Variants in NAALADL2 observed in about 807,000 individuals in gnomAD.
NAALADL2 encodes inactive N-acetylated-alpha-linked acidic dipeptidase-like protein 2.
In NAALADL2, 76 loss-of-function variants were observed where a neutral mutation model predicts 87.2. That is an observed-to-expected ratio of 0.87 (90% CI 0.72 to 1.05). The LOEUF is 1.05. Ranked by LOEUF, NAALADL2 falls within the 50% of genes least tolerant of loss-of-function variation. The probability of loss-of-function intolerance (pLI) is 0.00; values close to 1 mark genes in which losing one functional copy is unlikely to be tolerated. For missense variants in NAALADL2, 1,089 were observed against 945.8 expected (o/e 1.15, Z -1.99); for synonymous variants, 354 against 331.0 (o/e 1.07, Z -0.75).
At position 175,803,111 on chromosome 3, in the gene NAALADL2, C is replaced by A. The variant is rs1169140118; in HGVS notation, c.2296C>A (p.Leu766Met). The change falls in exon 14 of 14, where the codon CTG becomes ATG. Residue 766 changes from leucine to methionine, a missense_variant. Leu to Met is a conservative substitution (Grantham distance 15). Transcript: ENST00000454872. ...LASNETLQEA[L>M]SEVLNSINSA... Reference sequence around the variant, plus strand: ...ATCAAATGAGACCCTTCAAGAAGCCCTGTCAGAGGTGTTGAACAGCATTAA... The same window carrying A: ...ATCAAATGAGACCCTTCAAGAAGCCATGTCAGAGGTGTTGAACAGCATTAA... 1 of 1,612,330 alleles carries A rather than the reference C, an allele frequency of 6.2e-7. No individual in the cohort carries two copies. The highest frequency in any genetic ancestry group is 8.5e-7 in the Non-Finnish European group (1 of 1,179,016).
intron 4 of NAALADL2, among the ~76,000 whole-genome samples, chr3:175,286,171 A>G (rs151188525): frequency 1.1e-4 from 17 of 152,360 alleles, no homozygotes; most frequent in African/African-American, 2.6e-4. Context: ...AGGTTGCCAT[A>G]TTAAGTGGTG....
chr3:175,526,578 T>G (rs1733443767), intron 9 of NAALADL2, among the ~76,000 whole-genome samples: 1 of 152,138 alleles, frequency 6.6e-6, no homozygotes, highest in Non-Finnish European at 1.5e-5. Context: ...TTATTTCAGG[T>G]TATCTAAGCG....
intron 1 of NAALADL2, among the ~76,000 whole-genome samples, chr3:175,094,125 TA>T (rs57997951): frequency 1.3e-5 from 2 of 150,876 alleles, no homozygotes; most frequent in East Asian, 2.0e-4. Flanking sequence ...CAATGTTTTT[TA>T]AAAAAAAACC....
At chr3:174,583,944 T>C (rs1716429663) in intron 2 of NAALADL2, among the ~76,000 whole-genome samples, 1 of 152,190 alleles carries the variant, frequency 6.6e-6, no homozygotes, top group Non-Finnish European at 1.5e-5. Flanking sequence ...CAAAATGTTT[T>C]ATATTTCCCA....
intron 1 of NAALADL2, among the ~76,000 whole-genome samples, chr3:174,526,133 G>A (rs146705807): frequency 6.6e-6 from 1 of 152,252 alleles, no homozygotes; most frequent in African/African-American, 2.4e-5. Flanking sequence ...ATTTTCAGGT[G>A]CTTCTCCCTC....
intron 2 of NAALADL2, among the ~76,000 whole-genome samples, chr3:174,555,994 TGTGTGTGTGTGTGTGC>T (rs1286738437): frequency 7.3e-6 from 1 of 137,174 alleles, no homozygotes; most frequent in Non-Finnish European, 1.6e-5. Context: ...TGTGTGTGTG[TGTGTGTGTGTGTGTGC>T]GCGCACGTGA....
intron 9 of NAALADL2, among the ~76,000 whole-genome samples, chr3:175,475,286 T>A (rs1259575822): frequency 6.6e-6 from 1 of 152,080 alleles, no homozygotes; most frequent in Non-Finnish European, 1.5e-5. Context: ...GACCTCTTAG[T>A]GAAACACAAA....
intron 1 of NAALADL2, among the ~76,000 whole-genome samples, chr3:175,024,943 A>T (rs766562103): frequency 1.5e-4 from 23 of 152,150 alleles, no homozygotes; most frequent in Middle Eastern, 3.2e-3. Context: ...CATTTCATGT[A>T]TAAAATGTTT....
chr3:174,934,292 C>A (rs932156170), intron 1 of NAALADL2, among the ~76,000 whole-genome samples: 2 of 152,088 alleles, frequency 1.3e-5, no homozygotes, highest in African/African-American at 4.8e-5. Context: ...CCAAGAGACT[C>A]GGATTACATG....
At chr3:175,557,172 C>G (rs1432282309) in intron 9 of NAALADL2, among the ~76,000 whole-genome samples, 1 of 152,206 alleles carries the variant, frequency 6.6e-6, no homozygotes, top group East Asian at 1.9e-4. Context: ...TATAAAATAT[C>G]CTATGGAAAA....
At chr3:175,227,558 T>G (rs917564486) in intron 2 of NAALADL2, among the ~76,000 whole-genome samples, 7 of 152,060 alleles carry the variant, frequency 4.6e-5, no homozygotes, top group African/African-American at 1.7e-4. Flanking sequence ...TATATTGCAG[T>G]TAATTCTTTA....
Position 174,884,351 on chromosome 3 carries a change from C to T in NAALADL2, c.43+24901C>T, listed in dbSNP as rs574624540. ...GTCCCAGCCCTGAAAAGTATTGTCA[C>T]CTAGTTGGGATTGTAATTGTGACTT... On this transcript the variant is annotated intron_variant, in intron 1 of 13. Transcript: ENST00000454872. Among the ~76,000 whole-genome samples the T allele has an allele frequency of 1.2e-4, 19 of 152,272 alleles. No individual in the cohort carries two copies. In the South Asian group the frequency reaches 3.9e-3, roughly 32 times the overall value.
intron 2 of NAALADL2, among the ~76,000 whole-genome samples, chr3:174,700,400 C>A (rs547531351): frequency 2.9e-4 from 44 of 152,014 alleles, no homozygotes; most frequent in Non-Finnish European, 4.7e-4. Context: ...ATCTTAGAAT[C>A]AATCTATCTT....
intron 11 of NAALADL2, among the ~76,000 whole-genome samples, chr3:175,689,430 T>A (rs913986610): frequency 2.0e-5 from 3 of 152,086 alleles, no homozygotes; most frequent in Admixed American, 6.6e-5. Context: ...AATTTTAGAA[T>A]AATAGAAAAA....
intron 9 of NAALADL2, among the ~76,000 whole-genome samples, chr3:175,512,779 T>C (rs1292052008): frequency 6.6e-6 from 1 of 152,198 alleles, no homozygotes; most frequent in African/African-American, 2.4e-5. Context: ...TGCTTCTGCA[T>C]GTTTCTTCTT....
At chr3:175,783,923 A>T in intron 13 of NAALADL2, among the ~76,000 whole-genome samples, 1 of 141,476 alleles carries the variant, frequency 7.1e-6, no homozygotes, top group Non-Finnish European at 1.5e-5. Flanking sequence ...GGGTTGTTGA[A>T]TTTTGTCAAA....
intron 11 of NAALADL2, among the ~76,000 whole-genome samples, chr3:175,631,551 G>A (rs1245052427): frequency 6.6e-6 from 1 of 151,288 alleles, no homozygotes; most frequent in Non-Finnish European, 1.5e-5. Flanking sequence ...CAGTATTGAT[G>A]CCAATAGGTG....
At chr3:174,945,454 C>T (rs1739269090) in intron 1 of NAALADL2, among the ~76,000 whole-genome samples, 1 of 152,100 alleles carries the variant, frequency 6.6e-6, no homozygotes, top group Admixed American at 6.5e-5. Flanking sequence ...AATCTTGAAT[C>T]CCTGGGGCAA....
At chr3:175,081,120 C>T (rs1452977595) in intron 1 of NAALADL2, 1 of 152,168 alleles carries the variant, frequency 6.6e-6, no homozygotes, top group African/African-American at 2.4e-5. Context: ...AGTCACCTTT[C>T]TTTTAAACCG....
Sources: allele counts gnomAD v4.1 joint callset (sites outside exome capture counted in the v4.1 genomes callset), GRCh38; gene constraint gnomAD v4.1.1; transcripts MANE v1.5; gene names NCBI Gene and HGNC (gene_info 2026-07-23, HGNC 2026-07-21).